The following MAGI2 variants were observed in gnomAD, a reference collection of about 807,000 sequenced individuals.
MAGI2 encodes membrane associated guanylate kinase, WW and PDZ domain containing 2, also known as membrane-associated guanylate kinase, WW and PDZ domain-containing protein 2.
Under a neutral mutation model 133.3 loss-of-function variants are expected in MAGI2, and 35 were observed. The observed-to-expected ratio is 0.26, with a 90% CI of 0.20 to 0.35. The LOEUF (loss-of-function observed/expected upper bound fraction) is 0.35. Ranked by LOEUF, MAGI2 falls within the 10% of genes least tolerant of loss-of-function variation. The pLI is 1.00. For synonymous variants in MAGI2, 729 were observed against 710.6 expected (o/e 1.03, Z -0.41); for missense variants, 1,636 against 1,863.4 (o/e 0.88, Z 2.25).
intron 2 of MAGI2, among the ~76,000 whole-genome samples, chr7:78,766,518 T>C (rs1825041031): frequency 6.6e-6 from 1 of 152,210 alleles, no homozygotes; most frequent in Non-Finnish European, 1.5e-5. Flanking sequence ...GTTAAGCTTG[T>C]GTCTTCTCCT....
intron 9 of MAGI2, among the ~76,000 whole-genome samples, chr7:78,333,371 A>G (rs956822942): frequency 6.6e-6 from 1 of 152,228 alleles, no homozygotes. Flanking sequence ...CAAAGCAGCC[A>G]CAAGAAGCAT....
At chr7:78,428,428 A>G (rs1011988939) in intron 6 of MAGI2, among the ~76,000 whole-genome samples, 1 of 152,192 alleles carries the variant, frequency 6.6e-6, no homozygotes, top group Non-Finnish European at 1.5e-5. Flanking sequence ...AATTGACCTT[A>G]TTATTAGCTA....
At chr7:78,140,866 G>A (rs575430440) in intron 16 of MAGI2, among the ~76,000 whole-genome samples, 2 of 152,270 alleles carry the variant, frequency 1.3e-5, no homozygotes, top group South Asian at 2.1e-4. Flanking sequence ...GAAACTCACT[G>A]TCTGGTTGGG....
At chr7:78,841,143 T>C (rs1433937144) in intron 2 of MAGI2, among the ~76,000 whole-genome samples, 3 of 148,918 alleles carry the variant, frequency 2.0e-5, no homozygotes, top group African/African-American at 7.5e-5. Context: ...TTTGAAAAAT[T>C]ACCTACACTC....
intron 20 of MAGI2, among the ~76,000 whole-genome samples, chr7:78,113,271 G>A (rs1003704455): frequency 1.3e-5 from 2 of 152,134 alleles, no homozygotes; most frequent in Admixed American, 6.5e-5. Context: ...TAAGCAGATA[G>A]ATCAGATGAG....
chr7:79,247,949 A>G (rs918951276), intron 1 of MAGI2, among the ~76,000 whole-genome samples: 2 of 152,190 alleles, frequency 1.3e-5, no homozygotes, highest in Non-Finnish European at 2.9e-5. Context: ...GAAGAAAGGA[A>G]TGAATGAAGG....
rs141743358 is a variant in MAGI2 at position 78,271,575 on chromosome 7, G to A, written c.1409-14994C>T. On this transcript the variant is annotated intron_variant, in intron 9 of 21. Transcript: ENST00000354212. ...TCTGGTAGAATTCGGCTGTGAATCT[G>A]TCTGGTCCTGGACTTTTTTTGGTTG... Among the ~76,000 whole-genome samples, 871 of 152,210 alleles carry A rather than the reference G, an allele frequency of 5.7e-3. 5 individuals are homozygous for A. Among genetic ancestry groups the A allele is most frequent in the African/African-American group, 0.02 (816 of 41,546 alleles).
intron 2 of MAGI2, among the ~76,000 whole-genome samples, chr7:78,829,444 T>A (rs1310755167): frequency 6.6e-6 from 1 of 151,850 alleles, no homozygotes; most frequent in African/African-American, 2.4e-5. Context: ...ATGGCTCAAT[T>A]AAAGAGCACT....
chr7:79,024,462 CA>C (rs1187501682), intron 1 of MAGI2, among the ~76,000 whole-genome samples: 2 of 151,938 alleles, frequency 1.3e-5, no homozygotes, highest in East Asian at 3.9e-4. Flanking sequence ...GCAATTGCAA[CA>C]AAAACAAAAA....
chr7:78,665,652 G>T (rs1364855583), intron 2 of MAGI2, among the ~76,000 whole-genome samples: 1 of 152,090 alleles, frequency 6.6e-6, no homozygotes, highest in African/African-American at 2.4e-5. Flanking sequence ...AGTGAAATCT[G>T]CTTGAGAATT....
At chr7:79,396,553 C>A (rs1289110215) in intron 1 of MAGI2, among the ~76,000 whole-genome samples, 1 of 152,140 alleles carries the variant, frequency 6.6e-6, no homozygotes, top group African/African-American at 2.4e-5. Context: ...AAACAAGAGG[C>A]TCTGAACCAT....
At chr7:78,604,673 T>C (rs1489593599) in intron 3 of MAGI2, among the ~76,000 whole-genome samples, 2 of 152,190 alleles carry the variant, frequency 1.3e-5, no homozygotes, top group Non-Finnish European at 2.9e-5. Flanking sequence ...GTTGGTTAGA[T>C]GTTAAGTGCT....
At chr7:79,153,149 G>A (rs1823427045) in intron 1 of MAGI2, among the ~76,000 whole-genome samples, 2 of 152,112 alleles carry the variant, frequency 1.3e-5, no homozygotes, top group South Asian at 4.1e-4. Flanking sequence ...AAACTCAGAA[G>A]CAAATAAATA....
intron 6 of MAGI2, among the ~76,000 whole-genome samples, chr7:78,460,277 C>T (rs112187063): frequency 0.048 from 7,347 of 152,240 alleles, 247 homozygotes; most frequent in Middle Eastern, 0.092. Flanking sequence ...AGGTAACTTA[C>T]GCAGGTCACA....
chr7:79,325,096 G>A (rs1029051527), intron 1 of MAGI2, among the ~76,000 whole-genome samples: 24 of 151,894 alleles, frequency 1.6e-4, no homozygotes, highest in African/African-American at 3.1e-4. Context: ...ACATAAATAC[G>A]TCCTGGGAAT....
chr7:78,374,186 A>G (rs1417975551), intron 6 of MAGI2, among the ~76,000 whole-genome samples: 1 of 152,124 alleles, frequency 6.6e-6, no homozygotes, highest in African/African-American at 2.4e-5. Context: ...ACTGCTTTCC[A>G]TGTAAGTGTT....
intron 2 of MAGI2, among the ~76,000 whole-genome samples, chr7:78,716,262 T>C (rs539325456): frequency 1.3e-5 from 2 of 152,332 alleles, no homozygotes; most frequent in East Asian, 3.9e-4. Flanking sequence ...TTTTACCCTT[T>C]CTTCCAGGAA....
chr7:79,042,303 T>C (rs1017987941), intron 1 of MAGI2, among the ~76,000 whole-genome samples: 17 of 152,200 alleles, frequency 1.1e-4, no homozygotes, highest in African/African-American at 3.6e-4. Flanking sequence ...TCTTTTTTGA[T>C]TGTTGTTGGT....
At chr7:79,120,032 A>G (rs935675386) in intron 1 of MAGI2, among the ~76,000 whole-genome samples, 2 of 152,124 alleles carry the variant, frequency 1.3e-5, no homozygotes, top group African/African-American at 4.8e-5. Flanking sequence ...TACTAAATAT[A>G]GTGACTCAAC....
Sources: gnomAD v4.1 joint callset for allele counts (sites outside exome capture counted in the v4.1 genomes callset) on GRCh38, gnomAD v4.1.1 for gene constraint, MANE v1.5 for transcripts, NCBI Gene and HGNC (gene_info 2026-07-23, HGNC 2026-07-21) for gene names.